DPP8: variants seen among roughly 807,000 people sequenced by gnomAD.
DPP8 encodes the protein dipeptidyl peptidase 8.
Under a neutral mutation model 107.5 loss-of-function variants are expected in DPP8, and 31 were observed. The ratio of observed to expected loss-of-function variants is 0.29; its 90% confidence interval spans 0.22 to 0.39. The LOEUF (loss-of-function observed/expected upper bound fraction) is 0.39, where lower values mean the gene tolerates loss of function less well. Among genes scored for constraint, DPP8 ranks in the 10% least tolerant of loss-of-function variants. DPP8 has a pLI of 1.00. For synonymous variants in DPP8, 381 were observed against 356.6 expected (o/e 1.07, Z -0.77); for missense variants, 842 against 1,076.1 (o/e 0.78, Z 3.04).
Position 65,481,525 on chromosome 15 carries a change from C to T in DPP8, c.1108G>A (p.Glu370Lys), listed in dbSNP as rs773962210. 1 of 1,578,294 alleles carries T rather than the reference C, an allele frequency of 6.3e-7. No individual in the cohort carries two copies. Among genetic ancestry groups the T allele is most frequent in the Non-Finnish European group, 8.6e-7 (1 of 1,162,260 alleles). The change falls in exon 9 of 20, where the codon GAG becomes AAG. Residue 370 changes from glutamate (E) to lysine (K), a missense_variant. Glu to Lys is a moderately conservative substitution (Grantham distance 56). This residue lies in a region of DPP8 where 663 missense variants were observed against 758.0 expected (regional missense o/e 0.87). Transcript: ENST00000300141. The part of the protein sequence containing the change: ...EYIARAGWTP[E>K]GKYAWSILLD... ...ATTTAACATACGCACTATTTTCCCT[C>T]AGGAGTCCATCCAGCTCTGGCAATA...
At chr15:65,492,591 CTTTAA>C (rs2068151885) in intron 5 of DPP8, among the ~76,000 whole-genome samples, 1 of 151,976 alleles carries the variant, frequency 6.6e-6, no homozygotes, top group Non-Finnish European at 1.5e-5. Flanking sequence ...CTCATAGTGA[CTTTAA>C]TTTTTTATTT....
chr15:65,495,105 T>C (rs1448561647), intron 5 of DPP8, among the ~76,000 whole-genome samples: 1 of 152,204 alleles, frequency 6.6e-6, no homozygotes, highest in Non-Finnish European at 1.5e-5. Context: ...TTGCTACTTC[T>C]TGACTCAGAA....
intron 15 of DPP8, among the ~76,000 whole-genome samples, chr15:65,462,538 A>G (rs929931646): frequency 2.0e-5 from 3 of 152,170 alleles, no homozygotes; most frequent in African/African-American, 4.8e-5. Flanking sequence ...TATATAATCA[A>G]GAATAAACAA....
intron 5 of DPP8, among the ~76,000 whole-genome samples, chr15:65,497,263 G>GTATT (rs760749106): frequency 3.9e-5 from 6 of 151,972 alleles, no homozygotes; most frequent in Non-Finnish European, 8.8e-5. Flanking sequence ...TTTTAAAAAT[G>GTATT]TATTTATTTA....
rs2070922363 is a variant in DPP8, at chr15:65,512,542, T to G, written c.12A>C (p.Ala4=). 1 of 1,614,108 alleles carries G rather than the reference T, an allele frequency of 6.2e-7. No individual in the cohort carries two copies. Among genetic ancestry groups the G allele is most frequent in the Admixed American group, 1.7e-5 (1 of 60,016 alleles). The change falls in exon 2 of 20, where the codon GCA becomes GCC. Residue 4 remains alanine, a synonymous_variant. Coordinates refer to ENST00000300141, the MANE Select transcript of DPP8 (RefSeq NM_130434.5). Reference sequence around the variant, plus strand: ...CAACACCCAGCTGTTCTGTTTCCATTGCTGCTGCCATGTTGCATTTTCCTA... The same window carrying G: ...CAACACCCAGCTGTTCTGTTTCCATGGCTGCTGCCATGTTGCATTTTCCTA... MAA[A]METEQLGVEI...
chr15:65,448,866 ATATATATAT>A (rs2063712074), intron 19 of DPP8, among the ~76,000 whole-genome samples: 1 of 4,490 alleles, frequency 2.2e-4, no homozygotes, highest in South Asian at 9.1e-3. Context: ...TATATCTAAA[ATATATATAT>A]ATATATATAT....
intron 5 of DPP8, among the ~76,000 whole-genome samples, chr15:65,495,134 C>T (rs2068453411): frequency 6.6e-6 from 1 of 152,184 alleles, no homozygotes; most frequent in African/African-American, 2.4e-5. Context: ...TCAGAACCTT[C>T]ACACTGCTTC....
Position 65,466,914 on chromosome 15 carries a change from CTATT to C in DPP8, c.1690-105_1690-102del, listed in dbSNP as rs1174057443. On this transcript the variant is annotated intron_variant, in intron 13 of 19. Coordinates refer to ENST00000300141, the MANE Select transcript of DPP8 (RefSeq NM_130434.5). ...GATATAGCAAGAGTATTATAAGAGACTATTTATGTACATATACAATGTTGAAATT... is the reference window on the plus strand; with the variant it reads ...GATATAGCAAGAGTATTATAAGAGACTATGTACATATACAATGTTGAAATT... The C allele has an allele frequency of 7.9e-5, 112 of 1,416,012 alleles. No homozygotes were observed. The African/African-American group carries it at 1.2e-3, about 15-fold the overall frequency. 87.7% of individuals were successfully genotyped at this position (1,416,012 alleles called of 1,614,324 possible).
chr15:65,510,538 C>CTTTTTT (rs11386408), intron 2 of DPP8, among the ~76,000 whole-genome samples: 1 of 149,836 alleles, frequency 6.7e-6, no homozygotes. Flanking sequence ...ATACAAATGG[C>CTTTTTT]TTTTTTTTTT....
chr15:65,445,486 C>T lies in DPP8; in HGVS notation c.*1398G>A, dbSNP rs2063465633. 1 of 153,398 alleles carries T rather than the reference C, an allele frequency of 6.5e-6. No homozygotes were observed. The highest frequency in any genetic ancestry group is 1.5e-5 in the Non-Finnish European group (1 of 68,022). The allele number at this position is 153,398 out of a possible 1,614,324, so 9.5% of individuals were successfully genotyped here. A position where few individuals can be genotyped will look rare whatever the true frequency, so the allele number is the denominator to read the frequency against. ...CTATGAGCTCTCTTCATAGCTAAAT[C>T]CTAGTGCTAAACCAAGAAAAGTTCA... On this transcript the variant is annotated 3_prime_UTR_variant, in exon 20 of 20. Transcript: ENST00000300141.
chr15:65,462,703 C>T (rs538118774), intron 15 of DPP8, among the ~76,000 whole-genome samples: 7 of 152,222 alleles, frequency 4.6e-5, no homozygotes, highest in African/African-American at 1.7e-4. Context: ...CCTCAGCCTC[C>T]CAAGTAGCTG....
intron 15 of DPP8, among the ~76,000 whole-genome samples, chr15:65,461,555 A>T (rs973457580): frequency 1.3e-5 from 2 of 151,924 alleles, no homozygotes; most frequent in African/African-American, 4.8e-5. Context: ...TAACAAATGT[A>T]TAAAGCTTGA....
rs2071353808 is a variant in DPP8, at chr15:65,515,603, ATAT to A, written c.-12+1880_-12+1882del. 2.0e-6 allele frequency: 3 copies of A among 1,523,742 alleles called. No homozygotes were observed. The South Asian group carries it at 3.4e-5, about 17-fold the overall frequency. 94.4% of individuals were successfully genotyped at this position (1,523,742 alleles called of 1,614,324 possible). On this transcript the variant is annotated intron_variant, in intron 1 of 19. Transcript: ENST00000300141. ...AGTGTACCTTCTCAGCACAGTGCAT[ATAT>A]TTCACTGCCCCACCTACCTCGTCAC...
intron 11 of DPP8, chr15:65,475,415 C>G: frequency 6.4e-7 from 1 of 1,571,830 alleles, no homozygotes; most frequent in Non-Finnish European, 8.7e-7. Flanking sequence ...AGCTTTGCCA[C>G]TCAAATATAC....
chr15:65,451,161 GA>G (rs1458414918), intron 18 of DPP8, 51 bp from the exon 19 acceptor site: 2 of 1,071,850 alleles, frequency 1.9e-6, no homozygotes, highest in Non-Finnish European at 2.9e-6. Context: ...GAGTATTTGG[GA>G]AAACCATTTC....
chr15:65,480,389 T>C lies in DPP8; in HGVS notation c.1129A>G (p.Ile377Val), dbSNP rs987362881. ...CGAGTCTGGGAGCGATCTAGTAGGA[T>C]GGACCAAGCACTATTTAAATAAATA... ...WTPEGKYAWS[I>V]LLDRSQTRLQ... Residue 377 changes from isoleucine (I) to valine (V), a missense_variant, in exon 10 of 20, where the codon ATC becomes GTC. Physicochemically the swap from Ile to Val is conservative, Grantham distance 29 (BLOSUM62 3). This residue lies in a region of DPP8 where 663 missense variants were observed against 758.0 expected (regional missense o/e 0.87). Coordinates refer to ENST00000300141, the MANE Select transcript of DPP8 (RefSeq NM_130434.5). 8 of 1,609,428 alleles carry C rather than the reference T, an allele frequency of 5.0e-6. No homozygotes were observed. Among genetic ancestry groups the C allele is most frequent in the Non-Finnish European group, 6.8e-6 (8 of 1,178,202 alleles).
chr15:65,443,007 T>A lies in DPP8; in HGVS notation c.*3877A>T, dbSNP rs2063351440. The stretch of plus-strand genomic sequence containing the variant: ...ACTCTATATTCCAATCCTCAAATCC[T>A]CCACTATACCAAGGAAGACACATTT... On this transcript the variant is annotated 3_prime_UTR_variant, in exon 20 of 20. Transcript: ENST00000300141. 4 of 152,130 alleles carry A rather than the reference T, an allele frequency of 2.6e-5. No homozygotes were observed. The highest frequency in any genetic ancestry group is 2.6e-4 in the Admixed American group (4 of 15,276). The allele number at this position is 152,130 out of a possible 1,614,324, so 9.4% of individuals were successfully genotyped here. A position where few individuals can be genotyped will look rare whatever the true frequency, so the allele number is the denominator to read the frequency against.
intron 17 of DPP8, among the ~76,000 whole-genome samples, chr15:65,453,454 C>A (rs200907239): frequency 6.6e-6 from 1 of 151,488 alleles, no homozygotes; most frequent in South Asian, 2.1e-4. Flanking sequence ...CACACACATA[C>A]ATATATATAT....
intron 15 of DPP8, among the ~76,000 whole-genome samples, chr15:65,460,903 T>G (rs2064865368): frequency 6.6e-6 from 1 of 152,194 alleles, no homozygotes; most frequent in South Asian, 2.1e-4. Flanking sequence ...GGAAATGCCA[T>G]ACTGTTTTCC....
Sources: gnomAD v4.1 joint callset for allele counts (sites outside exome capture counted in the v4.1 genomes callset) on GRCh38, gnomAD v4.1.1 for gene constraint, gnomAD v4.1.1 regional missense constraint, MANE v1.5 for transcripts, NCBI Gene and HGNC (gene_info 2026-07-23, HGNC 2026-07-21) for gene names.